Variants in TCF7L2 observed in about 807,000 individuals in gnomAD.
TCF7L2 encodes the protein transcription factor 7-like 2.
TCF7L2 carries 23 observed loss-of-function variants against 77.9 expected under a neutral mutation model. That is an observed-to-expected ratio of 0.30 (90% CI 0.21 to 0.42). The LOEUF (loss-of-function observed/expected upper bound fraction) is 0.42, where lower values mean the gene tolerates loss of function less well. Among genes scored for constraint, TCF7L2 ranks in the 10% least tolerant of loss-of-function variants. The probability of loss-of-function intolerance (pLI) is 1.00; values close to 1 mark genes in which losing one functional copy is unlikely to be tolerated. For synonymous variants in TCF7L2, 413 were observed against 340.2 expected (o/e 1.21, Z -2.36); for missense variants, 654 against 793.1 (o/e 0.82, Z 2.11).
chr10:113,119,967 G>C (rs1365292519), intron 5 of TCF7L2, among the ~76,000 whole-genome samples: 1 of 152,130 alleles, frequency 6.6e-6, no homozygotes, highest in Non-Finnish European at 1.5e-5. Flanking sequence ...TAATTCCACG[G>C]GCAGTGATCA....
chr10:113,081,789 A>G (rs1369425499), intron 5 of TCF7L2, among the ~76,000 whole-genome samples: 1 of 152,168 alleles, frequency 6.6e-6, no homozygotes, highest in African/African-American at 2.4e-5. Context: ...CTTCAAAAAG[A>G]CTTGATTTAA....
intron 3 of TCF7L2, among the ~76,000 whole-genome samples, chr10:112,961,273 C>T (rs1040618751): frequency 2.1e-5 from 3 of 145,782 alleles, no homozygotes; most frequent in Non-Finnish European, 4.5e-5. Flanking sequence ...CCCCCAACCT[C>T]GGCCTTCCAA....
intron 5 of TCF7L2, among the ~76,000 whole-genome samples, chr10:113,121,768 T>C (rs75832873): frequency 1.4e-3 from 200 of 139,642 alleles, no homozygotes; most frequent in African/African-American, 4.5e-3. Context: ...CACGCACACA[T>C]ACACACAACA....
At chr10:113,161,268 A>C (rs2073124681) in intron 13 of TCF7L2, 2 of 422,072 alleles carry the variant, frequency 4.7e-6, no homozygotes, top group Non-Finnish European at 8.5e-6. Context: ...ATTGAACGGC[A>C]TGCACCAGCT....
At chr10:113,156,405 C>T (rs2071906700) in intron 11 of TCF7L2, among the ~76,000 whole-genome samples, 1 of 152,246 alleles carries the variant, frequency 6.6e-6, no homozygotes, top group African/African-American at 2.4e-5. Context: ...TGAGCCACCG[C>T]ACCTGGACCT....
At chr10:113,000,680 G>A (rs1275454552) in intron 4 of TCF7L2, among the ~76,000 whole-genome samples, 1 of 152,118 alleles carries the variant, frequency 6.6e-6, no homozygotes, top group Non-Finnish European at 1.5e-5. Context: ...CTTACCACTG[G>A]CAAGCCATCT....
intron 5 of TCF7L2, among the ~76,000 whole-genome samples, chr10:113,040,476 G>A (rs891011586): frequency 1.4e-4 from 21 of 152,186 alleles, no homozygotes; most frequent in African/African-American, 5.1e-4. Context: ...GGCAGGTGAA[G>A]TGAAGAAGAG....
At chr10:113,003,318 C>T (rs1306131576) in intron 4 of TCF7L2, among the ~76,000 whole-genome samples, 2 of 152,164 alleles carry the variant, frequency 1.3e-5, no homozygotes, top group African/African-American at 2.4e-5. Flanking sequence ...ATCTCACCCA[C>T]GTGCCCCTGG....
chr10:112,951,196 C>G lies in TCF7L2; in HGVS notation c.190-11C>G. The G allele has an allele frequency of 6.3e-7, 1 of 1,583,458 alleles. No individual in the cohort carries two copies. ...GCCCCTCGCCCTCCCCACCTCCACC[C>G]CTCTGGGAAGGCGGAAAGACGGCCT... is the stretch of plus-strand genomic sequence containing the variant. On this transcript the variant is annotated splice_polypyrimidine_tract_variant and intron_variant, in intron 1 of 13. Coordinates refer to ENST00000627217, the MANE Select transcript of TCF7L2 (RefSeq NM_001146274.2).
intron 3 of TCF7L2, among the ~76,000 whole-genome samples, chr10:112,958,883 T>A (rs1361099552): frequency 6.6e-6 from 1 of 152,198 alleles, no homozygotes; most frequent in Non-Finnish European, 1.5e-5. Context: ...GTTGCAGCAC[T>A]GCGACTGCTA....
chr10:113,062,734 G>A lies in TCF7L2; in HGVS notation c.552+22608G>A, dbSNP rs1020389933. ...ATTAAGTGTTTTAATATAAGCTGGA[G>A]AAGGAGTTGAACCTGGAGGTCAGGG... On this transcript the variant is annotated intron_variant, in intron 5 of 13. Coordinates refer to ENST00000627217, the MANE Select transcript of TCF7L2 (RefSeq NM_001146274.2). Among the ~76,000 whole-genome samples the A allele has an allele frequency of 2.6e-5, 4 of 152,306 alleles. No individual in the cohort carries two copies. The South Asian group carries it at 6.2e-4, about 24-fold the overall frequency.
At chr10:113,153,114 CT>C (rs1449332009) in intron 11 of TCF7L2, among the ~76,000 whole-genome samples, 2 of 152,164 alleles carry the variant, frequency 1.3e-5, no homozygotes, top group African/African-American at 4.8e-5. Context: ...GCTACAGGAT[CT>C]GCCTAGTCCT....
At chr10:113,008,176 TC>T (rs994442839) in intron 4 of TCF7L2, among the ~76,000 whole-genome samples, 7 of 152,226 alleles carry the variant, frequency 4.6e-5, no homozygotes, top group African/African-American at 1.4e-4. Flanking sequence ...CAGATTTTCA[TC>T]CAAAGCTCTG....
chr10:113,047,275 C>T (rs1334820550), intron 5 of TCF7L2, among the ~76,000 whole-genome samples: 1 of 152,166 alleles, frequency 6.6e-6, no homozygotes, highest in African/African-American at 2.4e-5. Flanking sequence ...AAGTTCTCAA[C>T]ATTTATAACT....
intron 4 of TCF7L2, among the ~76,000 whole-genome samples, chr10:113,000,135 G>A (rs2044214004): frequency 6.6e-6 from 1 of 152,160 alleles, no homozygotes; most frequent in South Asian, 2.1e-4. Context: ...GTTCTTTGTG[G>A]GACCGAATAA....
At chr10:113,025,610 G>A (rs188566536) in intron 4 of TCF7L2, among the ~76,000 whole-genome samples, 70 of 152,046 alleles carry the variant, frequency 4.6e-4, no homozygotes, top group Admixed American at 2.7e-3. Flanking sequence ...TGAATTCCTG[G>A]ACTCAAGCAA....
At chr10:113,103,684 A>G (rs1028325341) in intron 5 of TCF7L2, among the ~76,000 whole-genome samples, 1 of 152,170 alleles carries the variant, frequency 6.6e-6, no homozygotes, top group African/African-American at 2.4e-5. Context: ...GAGGAAACTC[A>G]CATTTTTTCG....
intron 4 of TCF7L2, among the ~76,000 whole-genome samples, chr10:112,982,483 A>G (rs2040654115): frequency 6.6e-6 from 1 of 152,200 alleles, no homozygotes; most frequent in South Asian, 2.1e-4. Context: ...CACAGTTGTT[A>G]TTAAAACTCT....
chr10:113,036,826 T>G (rs2051359572), intron 4 of TCF7L2, among the ~76,000 whole-genome samples: 1 of 152,142 alleles, frequency 6.6e-6, no homozygotes, highest in African/African-American at 2.4e-5. Flanking sequence ...TTGAACAGCC[T>G]GAGAGGAAGA....
Sources: gnomAD v4.1 joint callset for allele counts (sites outside exome capture counted in the v4.1 genomes callset) on GRCh38, gnomAD v4.1.1 for gene constraint, MANE v1.5 for transcripts, NCBI Gene and HGNC (gene_info 2026-07-23, HGNC 2026-07-21) for gene names.